TMEM225B: variants seen among roughly 807,000 people sequenced by gnomAD.
The protein encoded by TMEM225B is transmembrane protein 225B.
Under a neutral mutation model 16.9 loss-of-function variants are expected in TMEM225B, and 10 were observed. That is an observed-to-expected ratio of 0.59 (90% CI 0.36 to 1.00). The LOEUF (loss-of-function observed/expected upper bound fraction) is 1.00, where lower values mean the gene tolerates loss of function less well. TMEM225B is among the 50% of genes least tolerant of loss of function. The pLI is 0.01. For synonymous variants in TMEM225B, 92 were observed against 109.8 expected (o/e 0.84, Z 1.01); for missense variants, 217 against 267.0 (o/e 0.81, Z 1.30).
chr7:99,600,841 G>C (rs1036847943), intron 2 of TMEM225B, among the ~76,000 whole-genome samples: 2 of 152,046 alleles, frequency 1.3e-5, no homozygotes, highest in Non-Finnish European at 2.9e-5. Context: ...AGGTGTGGAG[G>C]GAGACGTGGC....
rs1444923004 is a variant in TMEM225B at position 99,610,445 on chromosome 7, CA to C, written c.547del (p.Thr183LeufsTer33). On this transcript the variant is annotated frameshift_variant, in exon 6 of 6. Coordinates refer to ENST00000431679, the MANE Select transcript of TMEM225B (RefSeq NM_001195541.3). LOFTEE classifies it low-confidence loss of function (END_TRUNC). ...MVCPCWHLLSTSQSMEEDHGS... is the reference protein window; with the variant it reads ...MVCPCWHLLSXSQSMEEDHGS... The stretch of plus-strand genomic sequence containing the variant: ...TTTGCCCTTGCTGGCACTTGTTGTC[CA>C]CTTCCCAGAGTATGGAGGAGGACCA... The C allele has an allele frequency of 6.5e-7, 1 of 1,535,964 alleles. No homozygotes were observed. Among genetic ancestry groups the C allele is most frequent in the Non-Finnish European group, 8.7e-7 (1 of 1,146,912 alleles).
chr7:99,600,979 G>A (rs1436960295), intron 2 of TMEM225B, among the ~76,000 whole-genome samples: 1 of 152,100 alleles, frequency 6.6e-6, no homozygotes, highest in Non-Finnish European at 1.5e-5. Flanking sequence ...TCAAGGCTAG[G>A]GTTTGGGTGA....
chr7:99,601,943 G>T (rs1805407320), intron 2 of TMEM225B, among the ~76,000 whole-genome samples: 1 of 152,246 alleles, frequency 6.6e-6, no homozygotes, highest in Non-Finnish European at 1.5e-5. Flanking sequence ...GGGTGTGGGA[G>T]CAGGGGAGGA....
chr7:99,607,637 G>A (rs1426383650), intron 4 of TMEM225B, 36 bp from the exon 5 acceptor site: 1 of 1,522,080 alleles, frequency 6.6e-7, no homozygotes, highest in East Asian at 2.5e-5. Context: ...GGGTAGCATG[G>A]GAGGAGACCG....
chr7:99,606,521 T>A (rs146967699), intron 3 of TMEM225B, among the ~76,000 whole-genome samples: 1 of 152,206 alleles, frequency 6.6e-6, no homozygotes, highest in Admixed American at 6.5e-5. Flanking sequence ...TCTGACATTG[T>A]CAATTTAATT....
chr7:99,606,178 C>G (rs1805794564), intron 3 of TMEM225B, among the ~76,000 whole-genome samples: 1 of 152,190 alleles, frequency 6.6e-6, no homozygotes, highest in Non-Finnish European at 1.5e-5. Context: ...GCCTGTCATC[C>G]CAGCGCGTTG....
Position 99,604,464 on chromosome 7 carries a change from C to T in TMEM225B, c.76C>T (p.Leu26=), listed in dbSNP as rs1194419268. The T allele has an allele frequency of 3.9e-6, 6 of 1,536,054 alleles. No individual in the cohort carries two copies. Among genetic ancestry groups the T allele is most frequent in the Non-Finnish European group, 5.2e-6 (6 of 1,146,854 alleles). Residue 26 remains leucine, a synonymous_variant, in exon 3 of 6, where the codon CTG becomes TTG. Transcript: ENST00000431679. ...CCCAGCCTTAACCTCCCTAGGCTACCTGATTATACTGGTGGTCTCCATCTT... is the reference window on the plus strand; with the variant it reads ...CCCAGCCTTAACCTCCCTAGGCTACTTGATTATACTGGTGGTCTCCATCTT... ...IVPALTSLGY[L]IILVVSIFPF...
intron 2 of TMEM225B, among the ~76,000 whole-genome samples, chr7:99,602,318 G>A (rs773043265): frequency 2.0e-5 from 3 of 152,208 alleles, no homozygotes; most frequent in Non-Finnish European, 4.4e-5. Flanking sequence ...CAGATTCGTT[G>A]AAACAATTTG....
At chr7:99,604,155 C>A (rs1277973592) in intron 2 of TMEM225B, among the ~76,000 whole-genome samples, 2 of 152,106 alleles carry the variant, frequency 1.3e-5, no homozygotes, top group African/African-American at 4.8e-5. Context: ...ACCTGACATG[C>A]CCAAGATCAC....
intron 3 of TMEM225B, 103 bp downstream of exon 3, chr7:99,604,699 CTAAT>C: frequency 1.1e-6 from 1 of 925,850 alleles, no homozygotes; most frequent in Non-Finnish European, 1.7e-6. Context: ...AGGACAAAAT[CTAAT>C]TAGCTCAGGG....
chr7:99,600,883 G>A (rs1001395635), intron 2 of TMEM225B, among the ~76,000 whole-genome samples: 1 of 152,108 alleles, frequency 6.6e-6, no homozygotes, highest in African/African-American at 2.4e-5. Flanking sequence ...GGAAGGTTGG[G>A]GAACTTTATG....
intron 5 of TMEM225B, among the ~76,000 whole-genome samples, chr7:99,609,181 A>G (rs1229216920): frequency 1.3e-5 from 2 of 151,990 alleles, no homozygotes; most frequent in African/African-American, 4.8e-5. Context: ...ACAAACAAAC[A>G]AAAAACCACA....
intron 2 of TMEM225B, among the ~76,000 whole-genome samples, chr7:99,603,823 G>A (rs1265911689): frequency 6.7e-6 from 1 of 150,054 alleles, no homozygotes; most frequent in Non-Finnish European, 1.5e-5. Flanking sequence ...GGGCAGTGGT[G>A]TGATCATGGT....
intron 5 of TMEM225B, 119 bp downstream of exon 5, chr7:99,607,929 A>C: frequency 9.3e-7 from 1 of 1,081,020 alleles, no homozygotes; most frequent in Non-Finnish European, 1.3e-6. Context: ...CGCAGCTGCC[A>C]GTTAGACGTG....
chr7:99,608,839 G>GTATATA (rs72285430), intron 5 of TMEM225B, among the ~76,000 whole-genome samples: 2,169 of 132,528 alleles, frequency 0.016, 88 homozygotes, highest in African/African-American at 0.06. Context: ...GTGTGTGCAC[G>GTATATA]TATATATATA....
intron 5 of TMEM225B, among the ~76,000 whole-genome samples, chr7:99,608,304 C>T (rs933305894): frequency 5.9e-5 from 9 of 152,104 alleles, no homozygotes; most frequent in Non-Finnish European, 1.3e-4. Context: ...ATACTAGCCA[C>T]ATCACCGATG....
chr7:99,604,550 TGAGAACTGCTTCAATGCCA>T lies in TMEM225B; in HGVS notation c.163_181del (p.Glu55AsnfsTer33). On this transcript the variant is annotated frameshift_variant, in exon 3 of 6. Transcript: ENST00000431679. LOFTEE classifies it high-confidence loss of function. ...ACGAAGTCTTTTTCAGTGGCCTATT[TGAGAACTGCTTCAATGCCA>T]AATGCTGGAAGCCTCGACCCTTATC... 6.5e-7 allele frequency: 1 copy of T among 1,536,128 alleles called. No homozygotes were observed. The highest frequency in any genetic ancestry group is 8.7e-7 in the Non-Finnish European group (1 of 1,146,906).
intron 2 of TMEM225B, 81 bp downstream of exon 2, chr7:99,600,366 G>A (rs925668209): frequency 2.9e-6 from 2 of 693,416 alleles, no homozygotes. Flanking sequence ...CACTTTTCAG[G>A]GGAGTGGGGT....
At chr7:99,601,668 C>G (rs984934600) in intron 2 of TMEM225B, among the ~76,000 whole-genome samples, 1 of 152,240 alleles carries the variant, frequency 6.6e-6, no homozygotes, top group African/African-American at 2.4e-5. Context: ...TTTCAAGTCA[C>G]TCTGACAGCA....
Sources: gnomAD v4.1 joint callset for allele counts (sites outside exome capture counted in the v4.1 genomes callset) on GRCh38, gnomAD v4.1.1 for gene constraint, MANE v1.5 for transcripts, NCBI Gene and HGNC (gene_info 2026-07-23, HGNC 2026-07-21) for gene names.